Variants in NDRG4 observed in about 807,000 individuals in gnomAD.
The protein encoded by NDRG4 is NDRG family member 4.
NDRG4 carries 38 observed loss-of-function variants against 55.8 expected under a neutral mutation model. That is an observed-to-expected ratio of 0.68 (90% CI 0.53 to 0.89). The LOEUF (loss-of-function observed/expected upper bound fraction) is 0.89. Among genes scored for constraint, NDRG4 ranks in the 40% least tolerant of loss-of-function variants. The probability of loss-of-function intolerance (pLI) is 0.00; values close to 1 mark genes in which losing one functional copy is unlikely to be tolerated. For missense variants in NDRG4, 455 were observed against 468.6 expected (o/e 0.97, Z 0.27); for synonymous variants, 190 against 182.7 (o/e 1.04, Z -0.32).
At chr16:58,497,422 C>T (rs909476027), upstream of NDRG4, among the ~76,000 whole-genome samples, 1 of 152,190 alleles carries the variant, frequency 6.6e-6, no homozygotes, top group African/African-American at 2.4e-5. Flanking sequence ...TAGTGTTTGC[C>T]ACTCTTGATT....
chr16:58,502,852 GC>G (rs1164731880), intron 1 of NDRG4, among the ~76,000 whole-genome samples: 1 of 152,192 alleles, frequency 6.6e-6, no homozygotes, highest in Admixed American at 6.5e-5. Context: ...CTTGAAGTTT[GC>G]CCATCCGAGT....
chr16:58,494,804 C>T (rs1199205366), intron 2 of NDRG4, among the ~76,000 whole-genome samples: 2 of 145,274 alleles, frequency 1.4e-5, no homozygotes, highest in Non-Finnish European at 3.0e-5. Flanking sequence ...TGCACTCCAG[C>T]CTGGGTGATA....
chr16:58,505,165 C>T (rs577483015), intron 5 of NDRG4, among the ~76,000 whole-genome samples: 157 of 152,090 alleles, frequency 1.0e-3, no homozygotes, highest in South Asian at 4.6e-3. Flanking sequence ...CTGGCTAACA[C>T]GGTGAAACCC....
intron 1 of NDRG4, chr16:58,500,611 T>G (rs1444643166): frequency 1.9e-6 from 1 of 523,456 alleles, no homozygotes; most frequent in Non-Finnish European, 3.4e-6. Flanking sequence ...AGTGCCTGCA[T>G]GTCCCTCTGA....
At position 58,506,897 on chromosome 16, in the gene NDRG4, T is replaced by C; in HGVS notation, c.517-15T>C. The C allele has an allele frequency of 6.2e-7, 1 of 1,611,180 alleles. No homozygotes were observed. Among genetic ancestry groups the C allele is most frequent in the East Asian group, 2.2e-5 (1 of 44,856 alleles). On this transcript the variant is annotated splice_polypyrimidine_tract_variant and intron_variant, in intron 7 of 14. Coordinates refer to ENST00000570248, the MANE Select transcript of NDRG4 (RefSeq NM_001242835.2). The stretch of plus-strand genomic sequence containing the variant: ...CTGCCCCTCTGCATGCCTCCATCCA[T>C]CTCCCTGGGCCTAGGAGGAGCTGGT...
At chr16:58,486,952 C>T (rs1360614334) in intron 1 of NDRG4, among the ~76,000 whole-genome samples, 1 of 151,022 alleles carries the variant, frequency 6.6e-6, no homozygotes, top group Non-Finnish European at 1.5e-5. Context: ...TCCCACCCAC[C>T]CCTCCCTGGC....
At chr16:58,515,141 G>T (rs931457693), downstream of NDRG4, among the ~76,000 whole-genome samples, 1 of 152,216 alleles carries the variant, frequency 6.6e-6, no homozygotes, top group African/African-American at 2.4e-5. Context: ...AAGGGGTCGA[G>T]ATCAGGAGGT....
chr16:58,499,807 A>C, upstream of NDRG4: 1 of 308,834 alleles, frequency 3.2e-6, no homozygotes, highest in South Asian at 2.8e-5. Flanking sequence ...CCCTGTGTGT[A>C]CCTGACATGG....
At chr16:58,498,472 CTT>C (rs1489508991), upstream of NDRG4, among the ~76,000 whole-genome samples, 3 of 152,212 alleles carry the variant, frequency 2.0e-5, no homozygotes, top group Non-Finnish European at 4.4e-5. Context: ...GAGATGACCA[CTT>C]TCTCCAAGGG....
chr16:58,504,013 T>G, intron 2 of NDRG4, 110 bp downstream of exon 2: 1 of 1,537,286 alleles, frequency 6.5e-7, no homozygotes, highest in Non-Finnish European at 8.9e-7. Context: ...CACTCACCTC[T>G]GTTGCCTTCG....
intron 1 of NDRG4, chr16:58,501,646 G>A (rs564538497): frequency 7.2e-4 from 167 of 232,872 alleles, no homozygotes; most frequent in African/African-American, 3.5e-3. Context: ...TCGCAGCAGG[G>A]TTCAGCGAAG....
intron 1 of NDRG4, among the ~76,000 whole-genome samples, chr16:58,477,669 T>A (rs1208835298): frequency 6.7e-6 from 1 of 150,044 alleles, no homozygotes; most frequent in Non-Finnish European, 1.5e-5. Context: ...AATTATCTTC[T>A]TTTCCTCAGC....
chr16:58,510,599 G>C lies in NDRG4; in HGVS notation c.866-46G>C, dbSNP rs780124602. 1.3e-4 allele frequency: 188 copies of C among 1,502,456 alleles called. 1 individual carries two copies. Among genetic ancestry groups the C allele is most frequent in the Non-Finnish European group, 1.0e-4 (117 of 1,116,256 alleles). The allele number at this position is 1,502,456 out of a possible 1,614,324, so 93.1% of individuals were successfully genotyped here. On this transcript the variant is annotated intron_variant, in intron 13 of 14. Transcript: ENST00000570248. ...CGGACCACGCTCTTCACTGTGTTGT[G>C]TCTCCCCCATCCCCGCCCCCTCTCC...
At chr16:58,488,874 A>G (rs2035441878) in intron 2 of NDRG4, among the ~76,000 whole-genome samples, 2 of 152,170 alleles carry the variant, frequency 1.3e-5, no homozygotes. Flanking sequence ...TGGTGACTGC[A>G]CATTTTTCAA....
At position 58,504,374 on chromosome 16, in the gene NDRG4, C is replaced by T. The variant is rs2037568450; in HGVS notation, c.264C>T (p.Ser88=). The change falls in exon 4 of 15, where the codon TCC becomes TCT. Residue 88 remains serine (S), a synonymous_variant. Transcript: ENST00000570248. ...CTGCCTGCAGGTACCAGTTCCCCTC[C>T]ATGGAGCAGCTGGCTGCCATGCTCC... is the stretch of plus-strand genomic sequence containing the variant. ...SQFPQGYQFP[S]MEQLAAMLPS... 1 of 1,613,270 alleles carries T rather than the reference C, an allele frequency of 6.2e-7. No individual in the cohort carries two copies. The highest frequency in any genetic ancestry group is 1.1e-5 in the South Asian group (1 of 91,092).
rs893254265 is a variant in NDRG4 at position 58,506,499 on chromosome 16, TG to T, written c.459+29del. 2.4e-6 allele frequency: 3 copies of T among 1,242,290 alleles called. No individual in the cohort carries two copies. In the African/African-American group the frequency reaches 5.1e-5, roughly 21 times the overall value. The allele number at this position is 1,242,290 out of a possible 1,614,324, so 77.0% of individuals were successfully genotyped here. A position where few individuals can be genotyped will look rare whatever the true frequency, so the allele number is the denominator to read the frequency against. On this transcript the variant is annotated intron_variant, in intron 6 of 14. Transcript: ENST00000570248. ...GTGTGTGTGGTGACCGGGGGTGGGG[TG>T]GGTATACCTAGGGTGGGGTGAGGGG...
intron 1 of NDRG4, chr16:58,465,201 C>A: frequency 1.1e-6 from 1 of 913,584 alleles, no homozygotes; most frequent in Non-Finnish European, 1.5e-6. Flanking sequence ...CTTATAGGTG[C>A]TCCATCCGTG....
intron 10 of NDRG4, 146 bp from the exon 11 acceptor site, chr16:58,508,816 G>A (rs2038392312): frequency 1.2e-6 from 1 of 818,752 alleles, no homozygotes; most frequent in Non-Finnish European, 2.0e-6. Flanking sequence ...AAGAAAGCCT[G>A]GGAGGAGCAG....
At chr16:58,503,200 G>C (rs1002448482) in intron 1 of NDRG4, among the ~76,000 whole-genome samples, 1 of 149,384 alleles carries the variant, frequency 6.7e-6, no homozygotes, top group Non-Finnish European at 1.5e-5. Context: ...GGGATGGGGA[G>C]GGGGGTCTGA....
Sources: gnomAD v4.1 joint callset for allele counts (sites outside exome capture counted in the v4.1 genomes callset) on GRCh38, gnomAD v4.1.1 for gene constraint, MANE v1.5 for transcripts, NCBI Gene and HGNC (gene_info 2026-07-23, HGNC 2026-07-21) for gene names.